The following CSMD2 variants were observed in gnomAD, a reference collection of about 807,000 sequenced individuals.
The protein encoded by CSMD2 is CUB and sushi domain-containing protein 2.
CSMD2 carries 130 observed loss-of-function variants against 398.5 expected under a neutral mutation model. The observed-to-expected ratio is 0.33, with a 90% confidence interval of 0.28 to 0.38. The LOEUF is 0.38. Among genes scored for constraint, CSMD2 ranks in the 10% least tolerant of loss-of-function variants. The pLI is 1.00. For synonymous variants in CSMD2, 1,828 were observed against 1,908.5 expected (o/e 0.96, Z 1.10); for missense variants, 3,829 against 4,764.9 (o/e 0.80, Z 5.78).
At chr1:34,067,016 G>T (rs531850518) in intron 2 of CSMD2, among the ~76,000 whole-genome samples, 8 of 152,240 alleles carry the variant, frequency 5.3e-5, no homozygotes, top group African/African-American at 1.9e-4. Flanking sequence ...GGAGAAAGTT[G>T]TGGTGCCTCC....
intron 25 of CSMD2, among the ~76,000 whole-genome samples, chr1:33,668,261 A>T (rs1285347224): frequency 6.6e-6 from 1 of 152,126 alleles, no homozygotes; most frequent in Non-Finnish European, 1.5e-5. Context: ...TGTGTACTAT[A>T]GGAGCTGAGG....
chr1:34,097,846 T>C (rs1659513733), intron 1 of CSMD2, among the ~76,000 whole-genome samples: 1 of 65,822 alleles, frequency 1.5e-5, no homozygotes, highest in African/African-American at 6.5e-5. Flanking sequence ...ATTGTGGAAG[T>C]CAGTGTGGCG....
At chr1:33,993,069 T>C (rs1487375057) in intron 3 of CSMD2, among the ~76,000 whole-genome samples, 1 of 152,194 alleles carries the variant, frequency 6.6e-6, no homozygotes, top group Non-Finnish European at 1.5e-5. Context: ...ATATGTGTAT[T>C]GTGTGCACAT....
intron 16 of CSMD2, among the ~76,000 whole-genome samples, chr1:33,726,177 G>C (rs1456036882): frequency 6.6e-6 from 1 of 152,186 alleles, no homozygotes; most frequent in Non-Finnish European, 1.5e-5. Context: ...GAGGTGGGGG[G>C]CTGCCTTCCC....
chr1:33,974,349 C>T (rs543853042), intron 3 of CSMD2, among the ~76,000 whole-genome samples: 1 of 152,332 alleles, frequency 6.6e-6, no homozygotes, highest in East Asian at 1.9e-4. Context: ...GGAGATTCCT[C>T]CCACTGCGTG....
chr1:33,799,449 T>C (rs1655336197), intron 10 of CSMD2, among the ~76,000 whole-genome samples: 1 of 152,200 alleles, frequency 6.6e-6, no homozygotes, highest in South Asian at 2.1e-4. Context: ...AGCTCCATTT[T>C]GATCTAGTTC....
At chr1:33,797,172 C>A (rs1193965090) in intron 10 of CSMD2, among the ~76,000 whole-genome samples, 1 of 152,200 alleles carries the variant, frequency 6.6e-6, no homozygotes, top group African/African-American at 2.4e-5. Flanking sequence ...CCCTTTGAAG[C>A]ATGTGATCTT....
rs1030748424 is a variant in CSMD2 at position 34,043,035 on chromosome 1, C to T, written c.405-10329G>A. On this transcript the variant is annotated intron_variant, in intron 2 of 70. Transcript: ENST00000373381. ...CGATCTTCTGAACTCGTGATCTGCC[C>T]GCCTTGGCCTCCCAAAGTGCTGGGA... 1.5e-4 allele frequency among the ~76,000 whole-genome samples: 23 copies of T among 152,024 alleles called. 1 individual carries two copies. Among genetic ancestry groups the T allele is most frequent in the African/African-American group, 4.8e-4 (20 of 41,468 alleles).
rs142802841 is a variant in CSMD2 at position 34,011,723 on chromosome 1, A to T, written c.517+20871T>A. 4.6e-5 allele frequency among the ~76,000 whole-genome samples: 7 copies of T among 152,326 alleles called. No homozygotes were observed. In the East Asian group the frequency reaches 1.4e-3, roughly 29 times the overall value. ...TCAGGCATGTATCCTTTGTGTTACA[A>T]ACAATCCAATTATACTGTTTCAGTT... On this transcript the variant is annotated intron_variant, in intron 3 of 70. Coordinates refer to ENST00000373381, the MANE Select transcript of CSMD2 (RefSeq NM_001281956.2).
At chr1:33,806,932 G>T (rs1028347990) in intron 10 of CSMD2, among the ~76,000 whole-genome samples, 5 of 152,148 alleles carry the variant, frequency 3.3e-5, no homozygotes, top group African/African-American at 1.2e-4. Context: ...GAAGAAAAAA[G>T]AAGCATTTGA....
intron 3 of CSMD2, among the ~76,000 whole-genome samples, chr1:34,013,473 G>A (rs983528827): frequency 1.3e-5 from 2 of 152,182 alleles, no homozygotes; most frequent in African/African-American, 2.4e-5. Context: ...CATGTGCTGA[G>A]CTCCTGCTGG....
At chr1:33,672,379 T>A (rs1335861354) in intron 25 of CSMD2, among the ~76,000 whole-genome samples, 1 of 152,198 alleles carries the variant, frequency 6.6e-6, no homozygotes, top group Non-Finnish European at 1.5e-5. Context: ...CACAGCAGTC[T>A]GAGATCAAAC....
chr1:33,681,438 T>C (rs1035680245), intron 25 of CSMD2, among the ~76,000 whole-genome samples: 2 of 152,214 alleles, frequency 1.3e-5, no homozygotes, highest in East Asian at 3.8e-4. Context: ...CTTCTTCTTA[T>C]GTAAGACAGT....
intron 33 of CSMD2, among the ~76,000 whole-genome samples, chr1:33,625,746 G>C (rs536862142): frequency 6.6e-6 from 1 of 152,144 alleles, no homozygotes; most frequent in Non-Finnish European, 1.5e-5. Context: ...CCTGTGATAG[G>C]ATCACTCCTG....
chr1:33,597,722 A>G (rs922584387), intron 44 of CSMD2, among the ~76,000 whole-genome samples: 31 of 152,262 alleles, frequency 2.0e-4, no homozygotes, highest in African/African-American at 7.5e-4. Flanking sequence ...ATATGTGGAT[A>G]TTTACAACCT....
At chr1:33,679,081 G>A (rs1206060684) in intron 25 of CSMD2, among the ~76,000 whole-genome samples, 4 of 152,122 alleles carry the variant, frequency 2.6e-5, no homozygotes, top group Non-Finnish European at 1.5e-5. Context: ...TCCAGAGTCT[G>A]CCCTGTAGGT....
At chr1:33,645,286 T>C (rs952283620) in intron 29 of CSMD2, among the ~76,000 whole-genome samples, 1 of 148,756 alleles carries the variant, frequency 6.7e-6, no homozygotes, top group Non-Finnish European at 1.5e-5. Context: ...ATAGTAACAA[T>C]AACAAAATCT....
At chr1:34,037,583 G>A (rs142656140) in intron 2 of CSMD2, among the ~76,000 whole-genome samples, 2 of 152,264 alleles carry the variant, frequency 1.3e-5, no homozygotes, top group East Asian at 3.9e-4. Context: ...CTCCAGGTGG[G>A]CCCAATTCAC....
At chr1:34,019,589 A>G (rs1478825607) in intron 3 of CSMD2, among the ~76,000 whole-genome samples, 2 of 152,164 alleles carry the variant, frequency 1.3e-5, no homozygotes. Flanking sequence ...GAAGGTTCAG[A>G]AACATTCTAT....
Sources: allele counts gnomAD v4.1 joint callset (sites outside exome capture counted in the v4.1 genomes callset), GRCh38; gene constraint gnomAD v4.1.1; transcripts MANE v1.5; gene names NCBI Gene and HGNC (gene_info 2026-07-23, HGNC 2026-07-21).